Variants in PPP3CB observed in about 807,000 individuals in gnomAD.
The protein encoded by PPP3CB is protein phosphatase 3 catalytic subunit beta.
In PPP3CB, 8 loss-of-function variants were observed where a neutral mutation model predicts 66.4. The observed-to-expected ratio is 0.12, with a 90% CI of 0.07 to 0.22. PPP3CB has a LOEUF of 0.22. PPP3CB is among the 10% of genes least tolerant of loss of function. The pLI is 1.00. For missense variants in PPP3CB, 319 were observed against 642.5 expected, an observed-to-expected ratio of 0.50 and a Z score of 5.44; for synonymous variants, 208 against 221.2, an observed-to-expected ratio of 0.94 and a Z score of 0.53.
intron 12 of PPP3CB, among the ~76,000 whole-genome samples, chr10:73,441,093 T>C (rs1377649709): frequency 6.6e-6 from 1 of 152,232 alleles, no homozygotes; most frequent in African/African-American, 2.4e-5. Flanking sequence ...AGAATAATTA[T>C]TCCTGAAGTG....
At chr10:73,441,629 T>C (rs956185545) in intron 12 of PPP3CB, among the ~76,000 whole-genome samples, 4 of 152,192 alleles carry the variant, frequency 2.6e-5, no homozygotes, top group East Asian at 1.9e-4. Flanking sequence ...AGTTTGAGCA[T>C]AGTGCTATCT....
At chr10:73,492,560 T>G (rs2133054575) in intron 1 of PPP3CB, among the ~76,000 whole-genome samples, 1 of 152,302 alleles carries the variant, frequency 6.6e-6, no homozygotes, top group East Asian at 1.9e-4. Context: ...GGTTAGATAT[T>G]TTTCCTAATT....
At chr10:73,475,145 C>A in intron 3 of PPP3CB, 115 bp from the exon 4 acceptor site, 1 of 1,316,646 alleles carries the variant, frequency 7.6e-7, no homozygotes, top group South Asian at 2.1e-5. Flanking sequence ...CTTTCTTTGT[C>A]CCTTACTAAA....
At chr10:73,481,484 T>G (rs2056877571) in intron 1 of PPP3CB, among the ~76,000 whole-genome samples, 1 of 150,848 alleles carries the variant, frequency 6.6e-6, no homozygotes, top group South Asian at 2.1e-4. Context: ...TATATATATA[T>G]ATACATATAT....
At position 73,495,929 on chromosome 10, in the gene PPP3CB, G is replaced by C; in HGVS notation, c.-40C>G. 7.0e-6 allele frequency: 3 copies of C among 426,204 alleles called. No homozygotes were observed. The highest frequency in any genetic ancestry group is 1.1e-5 in the Non-Finnish European group (3 of 276,192). The allele number at this position is 426,204 out of a possible 1,614,324, so 26.4% of individuals were successfully genotyped here. A position where few individuals can be genotyped will look rare whatever the true frequency, so the allele number is the denominator to read the frequency against. On this transcript the variant is annotated 5_prime_UTR_variant, in exon 1 of 14. Transcript: ENST00000360663. ...TCGGCTAGGCTCTGGGCCGGGCGGG[G>C]TTGGGGGCGGGGGCGGCGGCTACCA...
rs757447539 is a variant in PPP3CB, at chr10:73,471,214, G to C, written c.670-5C>G. ...TGGCTCTTTGAATCTATCTAACTGT[G>C]AAAGAAAGAAAAGAAAGAACAGAAG... On this transcript the variant is annotated splice_polypyrimidine_tract_variant and splice_region_variant and intron_variant, in intron 5 of 13. Transcript: ENST00000360663. The C allele has an allele frequency of 6.3e-7, 1 of 1,576,924 alleles. No homozygotes were observed. Among genetic ancestry groups the C allele is most frequent in the South Asian group, 1.2e-5 (1 of 85,962 alleles).
intron 12 of PPP3CB, among the ~76,000 whole-genome samples, chr10:73,443,165 G>A (rs2056177538): frequency 1.3e-5 from 2 of 151,420 alleles, no homozygotes; most frequent in South Asian, 4.2e-4. Context: ...GGGTGACACA[G>A]CAAGAAACCA....
chr10:73,445,603 G>A (rs890074238), intron 11 of PPP3CB, among the ~76,000 whole-genome samples: 4 of 149,400 alleles, frequency 2.7e-5, no homozygotes, highest in African/African-American at 9.9e-5. Context: ...ATGCCACCAG[G>A]CCCGGCTAAT....
intron 1 of PPP3CB, among the ~76,000 whole-genome samples, chr10:73,491,024 T>TTG: frequency 1.1e-5 from 1 of 88,752 alleles, no homozygotes; most frequent in Non-Finnish European, 2.1e-5. Flanking sequence ...TTTTTATTGT[T>TTG]TTTTTTTTTT....
intron 9 of PPP3CB, among the ~76,000 whole-genome samples, chr10:73,461,938 G>A (rs528978016): frequency 8.8e-4 from 134 of 152,144 alleles, no homozygotes; most frequent in African/African-American, 2.7e-3. Flanking sequence ...ACGATAGTGA[G>A]TAAATTCTTG....
chr10:73,453,165 T>G (rs1450872765), intron 10 of PPP3CB, among the ~76,000 whole-genome samples: 1 of 152,240 alleles, frequency 6.6e-6, no homozygotes, highest in Non-Finnish European at 1.5e-5. Flanking sequence ...GTTTATGGAT[T>G]CCTTGCTGGA....
intron 1 of PPP3CB, among the ~76,000 whole-genome samples, chr10:73,480,107 CT>C: frequency 6.6e-6 from 1 of 152,290 alleles, no homozygotes; most frequent in East Asian, 1.9e-4. Flanking sequence ...ACAATGTTTT[CT>C]GACCAACTTG....
At chr10:73,493,145 G>A (rs1465218632) in intron 1 of PPP3CB, among the ~76,000 whole-genome samples, 8 of 151,866 alleles carry the variant, frequency 5.3e-5, no homozygotes, top group Non-Finnish European at 7.4e-5. Context: ...GCATGGTGGC[G>A]CGCACCTATA....
intron 1 of PPP3CB, among the ~76,000 whole-genome samples, chr10:73,494,275 GT>G: frequency 6.6e-6 from 1 of 151,818 alleles, no homozygotes; most frequent in East Asian, 1.9e-4. Context: ...GCAAATCAGT[GT>G]TTTGTTTTTG....
At chr10:73,482,105 T>C (rs1589714460) in intron 1 of PPP3CB, among the ~76,000 whole-genome samples, 2 of 152,300 alleles carry the variant, frequency 1.3e-5, no homozygotes, top group Admixed American at 6.5e-5. Flanking sequence ...AGTGTTACTT[T>C]TGGGACATTA....
chr10:73,479,444 A>T lies in PPP3CB; in HGVS notation c.159T>A (p.Asp53Glu), dbSNP rs749981068. 1 of 1,614,180 alleles carries T rather than the reference A, an allele frequency of 6.2e-7. No homozygotes were observed. Among genetic ancestry groups the T allele is most frequent in the East Asian group, 2.2e-5 (1 of 44,876 alleles). The change falls in exon 2 of 14, where the codon GAT (aspartate) becomes GAA (glutamate). Residue 53 changes from aspartate (D) to glutamate (E), a missense_variant. This residue lies in a region of PPP3CB where 104 missense variants were observed against 128.4 expected (regional missense o/e 0.81). Coordinates refer to ENST00000360663, the MANE Select transcript of PPP3CB (RefSeq NM_021132.4). The stretch of plus-strand genomic sequence containing the variant: ...CTTTCACCAAGTGGTTCTTCAGAAC[A>T]TCAACCCTGGGTATCCCATCCAAAT... ...VFDLDGIPRV[D>E]VLKNHLVKEG...
intron 9 of PPP3CB, among the ~76,000 whole-genome samples, chr10:73,463,262 T>C (rs1032143578): frequency 1.3e-5 from 2 of 152,328 alleles, no homozygotes; most frequent in African/African-American, 2.4e-5. Flanking sequence ...TGACTTCTGG[T>C]GTAACTTCAT....
chr10:73,436,564 G>T lies in PPP3CB; in HGVS notation c.*1678C>A, dbSNP rs1222600404. The T allele has an allele frequency of 6.6e-6, 1 of 152,070 alleles. No homozygotes were observed. Among genetic ancestry groups the T allele is most frequent in the Non-Finnish European group, 1.5e-5 (1 of 68,024 alleles). 9.4% of individuals were successfully genotyped at this position (152,070 alleles called of 1,614,324 possible). On this transcript the variant is annotated 3_prime_UTR_variant, in exon 14 of 14. Coordinates refer to ENST00000360663, the MANE Select transcript of PPP3CB (RefSeq NM_021132.4). ...ACAGTGATCTTAAATATTAGACTTA[G>T]GAGGCCTACAGTAGGCATTCAAAGT...
chr10:73,444,681 G>A (rs748787191), intron 12 of PPP3CB, 44 bp downstream of exon 12: 51 of 1,612,680 alleles, frequency 3.2e-5, no homozygotes, highest in Non-Finnish European at 4.2e-5. Flanking sequence ...AGTGAGGTGT[G>A]CCCCAGTCCA....
Sources: allele counts gnomAD v4.1 joint callset (sites outside exome capture counted in the v4.1 genomes callset), GRCh38; gene constraint gnomAD v4.1.1; regional missense constraint gnomAD v4.1.1; transcripts MANE v1.5; gene names NCBI Gene and HGNC (gene_info 2026-07-23, HGNC 2026-07-21).